KCTD8: variants seen among roughly 807,000 people sequenced by gnomAD.
KCTD8 encodes potassium channel tetramerization domain containing 8.
Under a neutral mutation model 31.5 loss-of-function variants are expected in KCTD8, and 27 were observed. The ratio of observed to expected loss-of-function variants is 0.86; its 90% CI spans 0.63 to 1.18. The LOEUF (loss-of-function observed/expected upper bound fraction) is 1.18. KCTD8 is among the 50% of genes most tolerant of loss of function. KCTD8 has a pLI of 0.00. For synonymous variants in KCTD8, 290 were observed against 280.0 expected (o/e 1.04, Z -0.36); for missense variants, 658 against 647.7 (o/e 1.02, Z -0.17).
chr4:44,269,901 G>T (rs1202702789), intron 1 of KCTD8, among the ~76,000 whole-genome samples: 4 of 152,168 alleles, frequency 2.6e-5, no homozygotes, highest in Non-Finnish European at 5.9e-5. Flanking sequence ...ACACATGCTG[G>T]AGAGGATGTG....
At chr4:44,180,697 C>T (rs1713355607) in intron 1 of KCTD8, among the ~76,000 whole-genome samples, 1 of 152,012 alleles carries the variant, frequency 6.6e-6, no homozygotes, top group Non-Finnish European at 1.5e-5. Flanking sequence ...GAGCCTGGTT[C>T]AGCCACTCCA....
At chr4:44,388,992 G>T (rs1720298925) in intron 1 of KCTD8, among the ~76,000 whole-genome samples, 1 of 151,776 alleles carries the variant, frequency 6.6e-6, no homozygotes, top group African/African-American at 2.4e-5. Context: ...GGAAATGGAG[G>T]ACATTATGAT....
chr4:44,415,090 A>G (rs1721042582), intron 1 of KCTD8, among the ~76,000 whole-genome samples: 2 of 152,158 alleles, frequency 1.3e-5, no homozygotes, highest in African/African-American at 4.8e-5. Flanking sequence ...GAAGTGAAGT[A>G]AAGGTCATCC....
At chr4:44,266,359 C>T (rs1367397532) in intron 1 of KCTD8, among the ~76,000 whole-genome samples, 1 of 152,016 alleles carries the variant, frequency 6.6e-6, no homozygotes, top group Non-Finnish European at 1.5e-5. Flanking sequence ...ATTTTGTCAC[C>T]ACCAGGCCTG....
intron 1 of KCTD8, among the ~76,000 whole-genome samples, chr4:44,392,965 G>A (rs1307748458): frequency 6.6e-6 from 1 of 151,992 alleles, no homozygotes; most frequent in East Asian, 1.9e-4. Flanking sequence ...CATGGACAAA[G>A]AAGTACTTTC....
chr4:44,213,426 A>G (rs1411147004), intron 1 of KCTD8, among the ~76,000 whole-genome samples: 1 of 152,190 alleles, frequency 6.6e-6, no homozygotes, highest in Non-Finnish European at 1.5e-5. Context: ...GTGGCAGTAG[A>G]ACTCATAACT....
intron 1 of KCTD8, among the ~76,000 whole-genome samples, chr4:44,325,020 A>T (rs1255066455): frequency 6.6e-6 from 1 of 152,028 alleles, no homozygotes; most frequent in Non-Finnish European, 1.5e-5. Context: ...TTATATAAGC[A>T]TGAGAACAAA....
rs769685719 is a variant in KCTD8 at position 44,174,681 on chromosome 4, C to T, written c.*109G>A. The T allele has an allele frequency of 4.8e-5, 39 of 820,674 alleles. No homozygotes were observed. Among genetic ancestry groups the T allele is most frequent in the Non-Finnish European group, 7.2e-5 (37 of 516,450 alleles). The allele number at this position is 820,674 out of a possible 1,614,324, so 50.8% of individuals were successfully genotyped here. ...ACTGTCCCACATCCACTGTTCACAA[C>T]AAGGAAGAGCAGCAAGAATCACACT... is the stretch of plus-strand genomic sequence containing the variant. On this transcript the variant is annotated 3_prime_UTR_variant, in exon 2 of 2. Transcript: ENST00000360029.
intron 1 of KCTD8, among the ~76,000 whole-genome samples, chr4:44,176,417 T>C (rs939165983): frequency 6.6e-6 from 1 of 152,210 alleles, no homozygotes; most frequent in African/African-American, 2.4e-5. Flanking sequence ...GGCCATCAGG[T>C]CATTTAAGAT....
chr4:44,267,653 C>T lies in KCTD8; in HGVS notation c.962-92403G>A, dbSNP rs1157738162. On this transcript the variant is annotated intron_variant, in intron 1 of 1. Coordinates refer to ENST00000360029, the MANE Select transcript of KCTD8 (RefSeq NM_198353.3). ...CAAAATTGATAGACCGCTAGCAAGA[C>T]TAATAAAGAAAAAAGAGAGAAGAAT... 2.0e-5 allele frequency among the ~76,000 whole-genome samples: 3 copies of T among 151,820 alleles called. No homozygotes were observed. In the East Asian group the frequency reaches 5.8e-4, roughly 29 times the overall value.
chr4:44,287,286 G>A lies in KCTD8; in HGVS notation c.962-112036C>T, dbSNP rs1321035568. On this transcript the variant is annotated intron_variant, in intron 1 of 1. Transcript: ENST00000360029. ...AAATAAATAAACATTAAATTAATTT[G>A]ATAACTTAGGAATTATTTTCATACA... Among the ~76,000 whole-genome samples the A allele has an allele frequency of 5.3e-5, 8 of 152,106 alleles. No individual in the cohort carries two copies. The East Asian group carries it at 1.5e-3, about 29-fold the overall frequency.
intron 1 of KCTD8, among the ~76,000 whole-genome samples, chr4:44,310,084 A>G (rs568953466): frequency 6.6e-6 from 1 of 152,234 alleles, no homozygotes; most frequent in East Asian, 1.9e-4. Flanking sequence ...AATTAGATTC[A>G]ATTGAGAAGA....
At chr4:44,376,752 A>G (rs1471972618) in intron 1 of KCTD8, among the ~76,000 whole-genome samples, 1 of 152,196 alleles carries the variant, frequency 6.6e-6, no homozygotes, top group Non-Finnish European at 1.5e-5. Flanking sequence ...ACCAACAGAG[A>G]AGTACTTAAT....
intron 1 of KCTD8, among the ~76,000 whole-genome samples, chr4:44,310,634 A>G (rs1717921455): frequency 6.6e-6 from 1 of 152,236 alleles, no homozygotes; most frequent in Admixed American, 6.5e-5. Context: ...ACATTAATTC[A>G]CTACAAGAAC....
chr4:44,303,792 G>A (rs1449137348), intron 1 of KCTD8, among the ~76,000 whole-genome samples: 1 of 151,838 alleles, frequency 6.6e-6, no homozygotes, highest in Non-Finnish European at 1.5e-5. Context: ...CAGCCTGGGG[G>A]ACAGAGTGAG....
At chr4:44,403,714 G>C (rs1035707922) in intron 1 of KCTD8, among the ~76,000 whole-genome samples, 1 of 152,028 alleles carries the variant, frequency 6.6e-6, no homozygotes, top group Admixed American at 6.6e-5. Flanking sequence ...ATCTCTTAAA[G>C]GTCCCATCTC....
intron 1 of KCTD8, among the ~76,000 whole-genome samples, chr4:44,402,314 A>C (rs1398050901): frequency 6.6e-6 from 1 of 152,220 alleles, no homozygotes; most frequent in East Asian, 1.9e-4. Context: ...AGAGTAATAT[A>C]AACAATAATC....
At position 44,350,177 on chromosome 4, in the gene KCTD8, T is replaced by C. The variant is rs189545554; in HGVS notation, c.961+97386A>G. On this transcript the variant is annotated intron_variant, in intron 1 of 1. Transcript: ENST00000360029. Reference sequence around the variant, plus strand: ...CTGATAATTTTCCATCTATTAAATATGTCTCATACTTTCCTGCCTATGTTT... The same window carrying C: ...CTGATAATTTTCCATCTATTAAATACGTCTCATACTTTCCTGCCTATGTTT... 8.5e-5 allele frequency among the ~76,000 whole-genome samples: 13 copies of C among 152,320 alleles called. No homozygotes were observed. The East Asian group carries it at 2.5e-3, about 29-fold the overall frequency.
At chr4:44,276,840 G>A (rs943095240) in intron 1 of KCTD8, among the ~76,000 whole-genome samples, 7 of 151,854 alleles carry the variant, frequency 4.6e-5, no homozygotes, top group African/African-American at 1.7e-4. Context: ...TATTTCATGA[G>A]ACTTACTTAC....
Sources: allele counts gnomAD v4.1 joint callset (sites outside exome capture counted in the v4.1 genomes callset), GRCh38; gene constraint gnomAD v4.1.1; transcripts MANE v1.5; gene names NCBI Gene and HGNC (gene_info 2026-07-23, HGNC 2026-07-21).